Variants in TRIP10 observed in about 807,000 individuals in gnomAD.
TRIP10 encodes the protein cdc42-interacting protein 4.
Under a neutral mutation model 80.9 loss-of-function variants are expected in TRIP10, and 54 were observed. The ratio of observed to expected loss-of-function variants is 0.67; its 90% CI spans 0.54 to 0.84. The LOEUF is 0.84. TRIP10 is among the 40% of genes least tolerant of loss of function. The pLI, the probability that TRIP10 is intolerant of heterozygous loss-of-function variation, is 0.00. For missense variants in TRIP10, 773 were observed against 815.3 expected (o/e 0.95, Z 0.63); for synonymous variants, 321 against 307.2 (o/e 1.04, Z -0.47).
rs1969305224 is a variant in TRIP10 at position 6,751,424 on chromosome 19, T to C, written c.*213T>C. The C allele has an allele frequency of 6.8e-6, 8 of 1,176,970 alleles. No individual in the cohort carries two copies. Among genetic ancestry groups the C allele is most frequent in the Non-Finnish European group, 8.8e-6 (8 of 910,408 alleles). 72.9% of individuals were successfully genotyped at this position (1,176,970 alleles called of 1,614,324 possible). On this transcript the variant is annotated 3_prime_UTR_variant, in exon 15 of 15. Transcript: ENST00000313244. ...GTTCCACCATTGATGTACATACTCATGTTTTACATCTTTTCTTTCTGCCGC... is the reference window on the plus strand; with the variant it reads ...GTTCCACCATTGATGTACATACTCACGTTTTACATCTTTTCTTTCTGCCGC...
rs558801777 is a variant in TRIP10, at chr19:6,751,315, A to G, written c.*104A>G. The G allele has an allele frequency of 6.3e-7, 1 of 1,577,816 alleles. No homozygotes were observed. The highest frequency in any genetic ancestry group is 1.7e-5 in the Admixed American group (1 of 57,634). ...ATTTCTGACCCCGTGGCTTCGGCTGAGACCTGTGTAACCTGCTGCCCCCTC... is the reference window on the plus strand; with the variant it reads ...ATTTCTGACCCCGTGGCTTCGGCTGGGACCTGTGTAACCTGCTGCCCCCTC... On this transcript the variant is annotated 3_prime_UTR_variant, in exon 15 of 15. Transcript: ENST00000313244.
chr19:6,746,158 A>G lies in TRIP10; in HGVS notation c.1114A>G (p.Arg372Gly). 1 of 1,545,946 alleles carries G rather than the reference A, an allele frequency of 6.5e-7. No individual in the cohort carries two copies. Among genetic ancestry groups the G allele is most frequent in the Middle Eastern group, 1.7e-4 (1 of 5,966 alleles). Residue 372 changes from arginine to glycine, a missense_variant, in exon 10 of 15, where the codon AGG becomes GGG. Coordinates refer to ENST00000313244, the MANE Select transcript of TRIP10 (RefSeq NM_001288962.2). The surrounding 1 kb of genome is among the most constrained non-coding windows in gnomAD (Gnocchi z 6.2). ...LSEISKSVKP[R>G]LASFRSLRGS... The stretch of plus-strand genomic sequence containing the variant: ...CGAGATCAGTAAGTCGGTCAAACCG[A>G]GGCTAGCATCCTTCCGCAGCCTTCG...
chr19:6,740,716 G>C (rs2145528628), intron 1 of TRIP10: 1 of 354,814 alleles, frequency 2.8e-6, no homozygotes, highest in Non-Finnish European at 5.2e-6. Flanking sequence ...CGAGCTGGGG[G>C]AGTGGCCCTG....
chr19:6,744,621 C>T lies in TRIP10; in HGVS notation c.710C>T (p.Ala237Val). Residue 237 changes from alanine to valine, a missense_variant, in exon 8 of 15, where the codon GCC becomes GTC. Transcript: ENST00000313244. This position sits in a 1 kb window ranked among gnomAD's most constrained non-coding sequence, Gnocchi z 4.9. Reference sequence around the variant, plus strand: ...GCCGGGTATGGGCTCCTGTCGGAGGCCGAGCTGGAGGTGGTGCCCATAATA... The same window carrying T: ...GCCGGGTATGGGCTCCTGTCGGAGGTCGAGCTGGAGGTGGTGCCCATAATA... ...LGAGYGLLSE[A>V]ELEVVPIIAK... 1.2e-6 allele frequency: 2 copies of T among 1,613,792 alleles called. No individual in the cohort carries two copies. Among genetic ancestry groups the T allele is most frequent in the Non-Finnish European group, 1.7e-6 (2 of 1,179,862 alleles).
rs759855006 is a variant in TRIP10 at position 6,744,918 on chromosome 19, C to A, written c.908C>A (p.Pro303His). ...RAPSDSSLGT[P>H]SDGRPELRGP... Reference sequence around the variant, plus strand: ...CCCTCCGACAGCAGTCTGGGCACCCCCTCGGATGGACGGCCTGAACTCCGA... The same window carrying A: ...CCCTCCGACAGCAGTCTGGGCACCCACTCGGATGGACGGCCTGAACTCCGA... Residue 303 changes from proline (P) to histidine (H), a missense_variant, in exon 9 of 15, where the codon CCC (proline) becomes CAC (histidine). Coordinates refer to ENST00000313244, the MANE Select transcript of TRIP10 (RefSeq NM_001288962.2). This position sits in a 1 kb window ranked among gnomAD's most constrained non-coding sequence, Gnocchi z 4.9. 21 of 1,614,062 alleles carry A rather than the reference C, an allele frequency of 1.3e-5. No individual in the cohort carries two copies. Among genetic ancestry groups the A allele is most frequent in the Non-Finnish European group, 2.5e-6 (3 of 1,180,052 alleles).
chr19:6,742,548 T>C (rs1968949537), intron 3 of TRIP10, among the ~76,000 whole-genome samples: 1 of 152,068 alleles, frequency 6.6e-6, no homozygotes, highest in African/African-American at 2.4e-5. Flanking sequence ...CTCACACCTG[T>C]ACTCCCAGCA....
At chr19:6,743,953 C>T (rs1969014835) in intron 7 of TRIP10, 117 bp downstream of exon 7, 2 of 1,351,380 alleles carry the variant, frequency 1.5e-6, no homozygotes, top group South Asian at 2.7e-5. Flanking sequence ...GAAAGGGAAT[C>T]AGAAACCTAT....
chr19:6,744,940 C>A lies in TRIP10; in HGVS notation c.930C>A (p.Leu310=). ...LGTPSDGRPE[L]RGPGRSRTKR... is the part of the protein sequence containing the mutation. ...CCCCCTCGGATGGACGGCCTGAACT[C>A]CGAGGCCCGGGTCGCAGCCGCACCA... The change falls in exon 9 of 15, where the codon CTC becomes CTA. Residue 310 remains leucine (L), a synonymous_variant. Coordinates refer to ENST00000313244, the MANE Select transcript of TRIP10 (RefSeq NM_001288962.2). The surrounding 1 kb of genome is among the most constrained non-coding windows in gnomAD (Gnocchi z 4.9). The A allele has an allele frequency of 6.2e-7, 1 of 1,614,090 alleles. No individual in the cohort carries two copies. Among genetic ancestry groups the A allele is most frequent in the Non-Finnish European group, 8.5e-7 (1 of 1,180,026 alleles).
At chr19:6,748,024 CAAT>C in intron 11 of TRIP10, among the ~76,000 whole-genome samples, 1 of 151,240 alleles carries the variant, frequency 6.6e-6, no homozygotes, top group East Asian at 1.9e-4. Flanking sequence ...GGTTTTATCC[CAAT>C]AATGCAAAGA....
rs1969056273 is a variant in TRIP10, at chr19:6,744,864, A to G, written c.854A>G (p.Glu285Gly). ...GFARPGDVEFEDFSQPMNRAP... is the reference protein window; with the variant it reads ...GFARPGDVEFGDFSQPMNRAP... ...GCCCGCCCGGGCGACGTGGAATTCG[A>G]GGACTTCAGCCAGCCCATGAACCGT... Residue 285 changes from glutamate to glycine, a missense_variant, in exon 9 of 15, where the codon GAG (glutamate) becomes GGG (glycine). By Grantham distance (98) the Glu-to-Gly change is moderately conservative (BLOSUM62 -2). Coordinates refer to ENST00000313244, the MANE Select transcript of TRIP10 (RefSeq NM_001288962.2). This position sits in a 1 kb window ranked among gnomAD's most constrained non-coding sequence, Gnocchi z 4.9. 6.2e-7 allele frequency: 1 copy of G among 1,614,078 alleles called. No homozygotes were observed. The highest frequency in any genetic ancestry group is 8.5e-7 in the Non-Finnish European group (1 of 1,180,046).
chr19:6,750,126 TGGGGTGG>T, intron 12 of TRIP10, 60 bp downstream of exon 12: 1 of 184,984 alleles, frequency 5.4e-6, no homozygotes, highest in Non-Finnish European at 8.7e-6. Flanking sequence ...CACTGCTGGG[TGGGGTGG>T]GGGGTCGGGG....
At chr19:6,743,859 C>T in intron 7 of TRIP10, 23 bp downstream of exon 7, 7 of 1,611,964 alleles carry the variant, frequency 4.3e-6, no homozygotes, top group Non-Finnish European at 5.9e-6. Context: ...AGTTCTCAGA[C>T]CTACCTTCCC....
At position 6,751,180 on chromosome 19, in the gene TRIP10, C is replaced by T; in HGVS notation, c.1775C>T (p.Pro592Leu). The T allele has an allele frequency of 6.2e-7, 1 of 1,613,890 alleles. No homozygotes were observed. Among genetic ancestry groups the T allele is most frequent in the African/African-American group, 1.3e-5 (1 of 74,994 alleles). ...AAAGAGGGAGGCGAGGGCTACGTGC[C>T]CACCTCCTACCTCCGAGTCACGCTC... ...RRKEGGEGYV[P>L]TSYLRVTLN The change falls in exon 15 of 15, where the codon CCC becomes CTC. Residue 592 changes from proline to leucine, a missense_variant. Physicochemically the swap from Pro to Leu is moderately conservative, Grantham distance 98. Coordinates refer to ENST00000313244, the MANE Select transcript of TRIP10 (RefSeq NM_001288962.2).
chr19:6,742,926 G>A lies in TRIP10; in HGVS notation c.198-41G>A, dbSNP rs766153851. The A allele has an allele frequency of 8.7e-6, 14 of 1,607,342 alleles. No homozygotes were observed. The African/African-American group carries it at 1.2e-4, about 14-fold the overall frequency. ...TGGGGCATCAGCCTGCTCGGGAGGAGGGGCCTGACTCCCTGTTCCCCGATT... is the reference window on the plus strand; with the variant it reads ...TGGGGCATCAGCCTGCTCGGGAGGAAGGGCCTGACTCCCTGTTCCCCGATT... On this transcript the variant is annotated intron_variant, in intron 3 of 14. Coordinates refer to ENST00000313244, the MANE Select transcript of TRIP10 (RefSeq NM_001288962.2).
chr19:6,744,576 G>C lies in TRIP10; in HGVS notation c.665G>C (p.Arg222Pro), dbSNP rs150916721. ...CAGAAGCTCCAAGACATGGATGAAC[G>C]CAGGGCCACCCGCCTGGGTGCCGGG... ...IFDKLQDMDE[R>P]RATRLGAGYG... Residue 222 changes from arginine (R) to proline (P), a missense_variant, in exon 8 of 15, where the codon CGC becomes CCC. Arg to Pro is a moderately radical substitution (Grantham distance 103). Coordinates refer to ENST00000313244, the MANE Select transcript of TRIP10 (RefSeq NM_001288962.2). This position sits in a 1 kb window ranked among gnomAD's most constrained non-coding sequence, Gnocchi z 4.9. 1 of 1,614,162 alleles carries C rather than the reference G, an allele frequency of 6.2e-7. No homozygotes were observed. The highest frequency in any genetic ancestry group is 8.5e-7 in the Non-Finnish European group (1 of 1,180,038).
chr19:6,743,078 C>T lies in TRIP10; in HGVS notation c.309C>T (p.Thr103=), dbSNP rs199674856. 2 of 1,614,172 alleles carry T rather than the reference C, an allele frequency of 1.2e-6. No individual in the cohort carries two copies. Among genetic ancestry groups the T allele is most frequent in the Admixed American group, 1.7e-5 (1 of 60,018 alleles). Residue 103 remains threonine, a synonymous_variant, in exon 4 of 15, where the codon ACC becomes ACT. Transcript: ENST00000313244. ...GTGTCCGTGTATGTCTTGAGCTGAC[C>T]AAGTACTCACAAGAGATGAAACAGG... ...NLSVRVCLEL[T]KYSQEMKQER... is the part of the protein sequence containing the mutation.
In TRIP10 at chr19:6,751,218, C is replaced by T; in HGVS notation, c.*7C>T. Reference sequence around the variant, plus strand: ...CCGAGTCACGCTCAATTGAACCCTGCCAGAGACGGGAAGAGGGGGGCTGTC... The same window carrying T: ...CCGAGTCACGCTCAATTGAACCCTGTCAGAGACGGGAAGAGGGGGGCTGTC... On this transcript the variant is annotated 3_prime_UTR_variant, in exon 15 of 15. Transcript: ENST00000313244. The T allele has an allele frequency of 1.2e-6, 2 of 1,613,746 alleles. No homozygotes were observed. Among genetic ancestry groups the T allele is most frequent in the Non-Finnish European group, 1.7e-6 (2 of 1,179,912 alleles).
chr19:6,741,347 C>G, intron 3 of TRIP10, 66 bp downstream of exon 3: 3 of 1,539,802 alleles, frequency 1.9e-6, no homozygotes, highest in Non-Finnish European at 2.6e-6. Context: ...TCTCACTTCC[C>G]CTCCCTCAGC....
Position 6,744,814 on chromosome 19 carries a change from T to C in TRIP10, c.804T>C (p.Leu268=), listed in dbSNP as rs745641304. 1 of 1,613,768 alleles carries C rather than the reference T, an allele frequency of 6.2e-7. No homozygotes were observed. The part of the protein sequence containing the change: ...AVDPKNDSHV[L]IELHKSGFAR... ...CCCTCCCCCAGGACTCCCACGTCCT[T>C]ATAGAGCTGCACAAGTCAGGTTTTG... Residue 268 remains leucine, a synonymous_variant, in exon 9 of 15, where the codon CTT becomes CTC. Coordinates refer to ENST00000313244, the MANE Select transcript of TRIP10 (RefSeq NM_001288962.2). This position sits in a 1 kb window ranked among gnomAD's most constrained non-coding sequence, Gnocchi z 4.9.
Sources: gnomAD v4.1 joint callset for allele counts (sites outside exome capture counted in the v4.1 genomes callset) on GRCh38, gnomAD v4.1.1 for gene constraint, Gnocchi (gnomAD v3.1) non-coding constraint, MANE v1.5 for transcripts, NCBI Gene and HGNC (gene_info 2026-07-23, HGNC 2026-07-21) for gene names.